PCDHA10: variants seen among roughly 807,000 people sequenced by gnomAD.
The protein encoded by PCDHA10 is protocadherin alpha 10.
In PCDHA10, 45 loss-of-function variants were observed where a neutral mutation model predicts 61.2. The observed-to-expected ratio is 0.74, with a 90% confidence interval of 0.58 to 0.94. The LOEUF is 0.94. PCDHA10 is among the 40% of genes least tolerant of loss of function. The pLI is 0.00. For missense variants in PCDHA10, 1,278 were observed against 1,236.2 expected (o/e 1.03, Z -0.51); for synonymous variants, 602 against 548.8 (o/e 1.10, Z -1.35).
At chr5:140,992,271 T>C (rs1375901464) in intron 3 of PCDHA10, among the ~76,000 whole-genome samples, 1 of 152,184 alleles carries the variant, frequency 6.6e-6, no homozygotes, top group African/African-American at 2.4e-5. Flanking sequence ...GTTCTTTTCG[T>C]AGCACATCCC....
chr5:140,955,284 T>C (rs1207930664), intron 1 of PCDHA10, among the ~76,000 whole-genome samples: 1 of 152,170 alleles, frequency 6.6e-6, no homozygotes, highest in African/African-American at 2.4e-5. Context: ...CATATTGATA[T>C]GGTTTGGCTG....
chr5:140,884,395 C>A, intron 1 of PCDHA10: 1 of 1,614,000 alleles, frequency 6.2e-7, no homozygotes, highest in Non-Finnish European at 8.5e-7. Flanking sequence ...CGGTGTCCAG[C>A]CTGTTGGTGC....
chr5:140,999,015 C>G (rs2097843117), intron 3 of PCDHA10, among the ~76,000 whole-genome samples: 1 of 152,280 alleles, frequency 6.6e-6, no homozygotes, highest in East Asian at 1.9e-4. Context: ...GATTTGAACC[C>G]AAGACTTTTG....
intron 3 of PCDHA10, among the ~76,000 whole-genome samples, chr5:140,998,139 G>C (rs1354714500): frequency 2.0e-5 from 3 of 152,176 alleles, no homozygotes; most frequent in Non-Finnish European, 4.4e-5. Flanking sequence ...TAGCTAACCT[G>C]TACTGAACAG....
intron 1 of PCDHA10, among the ~76,000 whole-genome samples, chr5:140,906,125 T>G (rs1168148239): frequency 6.6e-6 from 1 of 152,028 alleles, no homozygotes; most frequent in Non-Finnish European, 1.5e-5. Flanking sequence ...GACACAAATG[T>G]TAGTCTCCTT....
At chr5:140,871,086 G>T (rs556097993) in intron 1 of PCDHA10, 15 of 1,613,256 alleles carry the variant, frequency 9.3e-6, no homozygotes, top group Non-Finnish European at 1.1e-5. Context: ...TGACGGCCAC[G>T]GCCACCGTGC....
intron 1 of PCDHA10, chr5:140,967,393 G>A (rs1437861925): frequency 1.2e-6 from 2 of 1,609,910 alleles, no homozygotes; most frequent in African/African-American, 2.7e-5. Flanking sequence ...TGCTTGAGCT[G>A]GTGCTGCGTA....
chr5:141,001,468 G>A (rs1375908420), intron 3 of PCDHA10, among the ~76,000 whole-genome samples: 1 of 152,226 alleles, frequency 6.6e-6, no homozygotes, highest in African/African-American at 2.4e-5. Context: ...GGACTAAGCA[G>A]CAGCGGGGAA....
intron 1 of PCDHA10, among the ~76,000 whole-genome samples, chr5:140,901,492 C>T (rs548353886): frequency 1.3e-5 from 2 of 152,234 alleles, no homozygotes; most frequent in South Asian, 2.1e-4. Flanking sequence ...GCACCTTCAT[C>T]GAAAATGAGT....
intron 1 of PCDHA10, among the ~76,000 whole-genome samples, chr5:140,973,344 A>G (rs1389229715): frequency 1.3e-5 from 2 of 152,258 alleles, no homozygotes; most frequent in African/African-American, 2.4e-5. Flanking sequence ...AAAGTGACAT[A>G]GTAGTGAATT....
In PCDHA10 at chr5:140,856,754, G is replaced by A. The variant is rs536378352; in HGVS notation, c.706G>A (p.Asp236Asn). The change falls in exon 1 of 4, where the codon GAT becomes AAT. Residue 236 changes from aspartate to asparagine, a missense_variant. By Grantham distance (23) the Asp-to-Asn change is conservative. Transcript: ENST00000307360. ...GCTGATCCTGGTGTTAGATGCCAATGATAACGCCCCTATCTTTGACAGACC... is the reference window on the plus strand; with the variant it reads ...GCTGATCCTGGTGTTAGATGCCAATAATAACGCCCCTATCTTTGACAGACC... ...SLLILVLDAN[D>N]NAPIFDRPVY... The A allele has an allele frequency of 5.0e-6, 8 of 1,596,774 alleles. No homozygotes were observed. The highest frequency in any genetic ancestry group is 1.3e-5 in the African/African-American group (1 of 74,318).
At chr5:140,898,957 G>A (rs1165991766) in intron 1 of PCDHA10, among the ~76,000 whole-genome samples, 13 of 152,052 alleles carry the variant, frequency 8.5e-5, no homozygotes, top group Admixed American at 8.5e-4. Flanking sequence ...AAGCAGTTGT[G>A]AATGGGAGTT....
intron 1 of PCDHA10, chr5:140,870,789 G>T (rs1554164716): frequency 1.2e-6 from 2 of 1,613,512 alleles, no homozygotes; most frequent in East Asian, 2.2e-5. Context: ...ACAACGCGCC[G>T]GCACTGCTGG....
chr5:140,869,880 T>C (rs923843539), intron 1 of PCDHA10: 12 of 1,610,162 alleles, frequency 7.5e-6, no homozygotes, highest in South Asian at 3.3e-5. Flanking sequence ...CTAAAGAAAC[T>C]CTTGTGCTCA....
rs1354537383 is a variant in PCDHA10 at position 140,982,283 on chromosome 5, A to G, written c.2448-192A>G. On this transcript the variant is annotated intron_variant, in intron 2 of 3. Coordinates refer to ENST00000307360, the MANE Select transcript of PCDHA10 (RefSeq NM_018901.4). The stretch of plus-strand genomic sequence containing the variant: ...TGTTCCTGGAATAGTATAGCAGGCA[A>G]TAAGTAAGTCAGCAATGCTTCTGCA... 1.7e-5 allele frequency: 18 copies of G among 1,044,438 alleles called. No homozygotes were observed. In the East Asian group the frequency reaches 2.7e-4, roughly 16 times the overall value. 64.7% of individuals were successfully genotyped at this position (1,044,438 alleles called of 1,614,324 possible).
Position 140,961,969 on chromosome 5 carries a change from C to A in PCDHA10, c.2389-16980C>A, listed in dbSNP as rs188846719. ...CATGATCTCGGCTCACTGCAACCTCCGCCTCCTGGGTTCACGCCATTGTCC... is the reference window on the plus strand; with the variant it reads ...CATGATCTCGGCTCACTGCAACCTCAGCCTCCTGGGTTCACGCCATTGTCC... On this transcript the variant is annotated intron_variant, in intron 1 of 3. Transcript: ENST00000307360. 8.7e-4 allele frequency among the ~76,000 whole-genome samples: 132 copies of A among 151,904 alleles called. 1 individual carries two copies. Among genetic ancestry groups the A allele is most frequent in the African/African-American group, 3.0e-3 (126 of 41,408 alleles).
At chr5:140,990,542 C>T (rs2097399330) in intron 3 of PCDHA10, among the ~76,000 whole-genome samples, 1 of 152,180 alleles carries the variant, frequency 6.6e-6, no homozygotes, top group South Asian at 2.1e-4. Context: ...ATCATAGATA[C>T]TGTATTACCC....
chr5:141,006,361 A>G (rs1384420854), intron 3 of PCDHA10, among the ~76,000 whole-genome samples: 3 of 151,846 alleles, frequency 2.0e-5, no homozygotes, highest in African/African-American at 7.3e-5. Context: ...ATAGGCGCCC[A>G]CCACCACGCC....
At chr5:140,910,137 T>A (rs2074898699) in intron 1 of PCDHA10, among the ~76,000 whole-genome samples, 1 of 152,232 alleles carries the variant, frequency 6.6e-6, no homozygotes, top group Non-Finnish European at 1.5e-5. Flanking sequence ...CTGGTTTAAG[T>A]CTGGAAATTG....
Sources: allele counts gnomAD v4.1 joint callset (sites outside exome capture counted in the v4.1 genomes callset), GRCh38; gene constraint gnomAD v4.1.1; transcripts MANE v1.5; gene names NCBI Gene and HGNC (gene_info 2026-07-23, HGNC 2026-07-21).